Variants in LEMD1 observed in about 807,000 individuals in gnomAD.
The protein encoded by LEMD1 is LEM domain containing 1, also known as LEM domain-containing protein 1.
Under a neutral mutation model 17.4 loss-of-function variants are expected in LEMD1, and 18 were observed. The observed-to-expected ratio is 1.04, with a 90% CI of 0.72 to 1.54. The LOEUF (loss-of-function observed/expected upper bound fraction) is 1.54, where lower values mean the gene tolerates loss of function less well. LEMD1 is among the 40% of genes most tolerant of loss of function. The pLI is 0.00. For synonymous variants in LEMD1, 88 were observed against 77.8 expected, an observed-to-expected ratio of 1.13 and a Z score of -0.69; for missense variants, 195 against 210.4, an observed-to-expected ratio of 0.93 and a Z score of 0.45.
intron 1 of LEMD1, among the ~76,000 whole-genome samples, chr1:205,439,694 T>C (rs902311681): frequency 6.6e-6 from 1 of 152,152 alleles, no homozygotes; most frequent in Non-Finnish European, 1.5e-5. Context: ...GGGTCTGACT[T>C]TGCTCCTTGG....
At chr1:205,444,951 C>T (rs935649719) in intron 1 of LEMD1, among the ~76,000 whole-genome samples, 5 of 151,380 alleles carry the variant, frequency 3.3e-5, no homozygotes, top group South Asian at 4.2e-4. Context: ...GGTGTGCCCT[C>T]GACGCCTCTA....
intron 4 of LEMD1, among the ~76,000 whole-genome samples, chr1:205,406,136 G>GAT (rs1665088719): frequency 2.6e-5 from 4 of 152,356 alleles, no homozygotes; most frequent in African/African-American, 9.6e-5. Context: ...TCCCAGTTAG[G>GAT]CTGCTCGGGG....
chr1:205,442,771 C>A (rs1666317121), intron 1 of LEMD1, among the ~76,000 whole-genome samples: 1 of 152,124 alleles, frequency 6.6e-6, no homozygotes, highest in African/African-American at 2.4e-5. Context: ...ATATATAGAG[C>A]CAAGACACAA....
At chr1:205,429,237 A>C (rs981499717) in intron 1 of LEMD1, among the ~76,000 whole-genome samples, 3 of 152,224 alleles carry the variant, frequency 2.0e-5, no homozygotes, top group African/African-American at 7.2e-5. Context: ...GAGGAGATGA[A>C]GGAGATGCTG....
At chr1:205,402,064 C>G (rs1329061995) in intron 4 of LEMD1, among the ~76,000 whole-genome samples, 2 of 152,216 alleles carry the variant, frequency 1.3e-5, no homozygotes, top group South Asian at 2.1e-4. Context: ...TGATCTATAT[C>G]TCTGTTTTGG....
At chr1:205,405,063 G>A (rs2102396306) in intron 4 of LEMD1, among the ~76,000 whole-genome samples, 1 of 152,322 alleles carries the variant, frequency 6.6e-6, no homozygotes, top group Non-Finnish European at 1.5e-5. Flanking sequence ...AGTTTCTGCT[G>A]AGAGATCCGC....
At chr1:205,430,222 G>A (rs1666107200) in intron 1 of LEMD1, among the ~76,000 whole-genome samples, 1 of 152,184 alleles carries the variant, frequency 6.6e-6, no homozygotes, top group Non-Finnish European at 1.5e-5. Context: ...CACACCCAAG[G>A]GTCCTCGGCT....
intron 4 of LEMD1, among the ~76,000 whole-genome samples, chr1:205,390,090 C>T (rs886894023): frequency 1.3e-5 from 2 of 152,194 alleles, no homozygotes; most frequent in African/African-American, 2.4e-5. Flanking sequence ...GGAGGTGGCT[C>T]ACGCCTGTAA....
chr1:205,410,755 A>G (rs572494092), intron 4 of LEMD1, among the ~76,000 whole-genome samples: 33 of 152,218 alleles, frequency 2.2e-4, no homozygotes, highest in Non-Finnish European at 4.1e-4. Context: ...AGTCCCAGCT[A>G]CTTGGGAGGC....
chr1:205,416,113 T>G, intron 4 of LEMD1, 119 bp downstream of exon 4: 2 of 607,962 alleles, frequency 3.3e-6, no homozygotes, highest in South Asian at 2.7e-5. Flanking sequence ...TAAACTAGGA[T>G]TTTACCACTA....
Position 205,381,620 on chromosome 1 carries a change from G to A in LEMD1, c.*38C>T, listed in dbSNP as rs746353036. ...GTGTTTTGGTTCTTTCCTGAAGCAG[G>A]AGGCCTCGCTTGGAGCATTGCTTTG... is the stretch of plus-strand genomic sequence containing the variant. On this transcript the variant is annotated 3_prime_UTR_variant, in exon 6 of 6. Coordinates refer to ENST00000367153, the MANE Select transcript of LEMD1 (RefSeq NM_001199050.2). 1 of 1,601,504 alleles carries A rather than the reference G, an allele frequency of 6.2e-7. No homozygotes were observed. The highest frequency in any genetic ancestry group is 1.1e-5 in the South Asian group (1 of 90,812).
At chr1:205,389,728 A>G (rs1025292277) in intron 4 of LEMD1, among the ~76,000 whole-genome samples, 1 of 152,270 alleles carries the variant, frequency 6.6e-6, no homozygotes, top group Non-Finnish European at 1.5e-5. Flanking sequence ...ACACTTTTAC[A>G]AATGACATAG....
intron 4 of LEMD1, among the ~76,000 whole-genome samples, chr1:205,402,377 A>C (rs1204632452): frequency 1.3e-5 from 2 of 151,990 alleles, no homozygotes; most frequent in South Asian, 2.1e-4. Context: ...CTTTTATTTC[A>C]TTGAGCAGTG....
intron 4 of LEMD1, among the ~76,000 whole-genome samples, chr1:205,404,206 T>C (rs1664985201): frequency 6.6e-6 from 1 of 152,208 alleles, no homozygotes; most frequent in African/African-American, 2.4e-5. Flanking sequence ...GTTCTATAGA[T>C]GTCTATTAGG....
chr1:205,400,842 C>CT lies in LEMD1; in HGVS notation c.270+15389dup, dbSNP rs1490208266. Among the ~76,000 whole-genome samples the CT allele has an allele frequency of 3.7e-4, 10 of 27,034 alleles. No individual in the cohort carries two copies. The South Asian group carries it at 0.012, about 34-fold the overall frequency. The allele number at this position is 27,034 out of a possible 152,430, so 17.7% of individuals were successfully genotyped here. On this transcript the variant is annotated intron_variant, in intron 4 of 5. Coordinates refer to ENST00000367153, the MANE Select transcript of LEMD1 (RefSeq NM_001199050.2). ...TTAGGTATATCTCCTAATGCTATCC[C>CT]TCCCCCCCCCCACCCCACAACAGTC...
chr1:205,397,338 T>C (rs1358053498), intron 4 of LEMD1, among the ~76,000 whole-genome samples: 1 of 152,230 alleles, frequency 6.6e-6, no homozygotes, highest in Non-Finnish European at 1.5e-5. Context: ...ATCCTCTATG[T>C]GGTCTTGGGC....
intron 4 of LEMD1, among the ~76,000 whole-genome samples, chr1:205,408,585 C>T (rs1429117799): frequency 6.6e-6 from 1 of 150,614 alleles, no homozygotes; most frequent in Non-Finnish European, 1.5e-5. Context: ...ACTGCAGCCT[C>T]GACCTGGGCT....
chr1:205,387,274 AATT>A (rs1189121773), intron 4 of LEMD1: 1 of 152,156 alleles, frequency 6.6e-6, no homozygotes, highest in Non-Finnish European at 1.5e-5. Context: ...TATCAATAAT[AATT>A]ATTATTATAA....
intron 1 of LEMD1, among the ~76,000 whole-genome samples, chr1:205,446,075 G>A (rs897948122): frequency 4.6e-5 from 7 of 152,224 alleles, no homozygotes; most frequent in South Asian, 4.1e-4. Flanking sequence ...AGTTTCAGCC[G>A]TCTGCAGGCA....
Sources: gnomAD v4.1 joint callset for allele counts (sites outside exome capture counted in the v4.1 genomes callset) on GRCh38, gnomAD v4.1.1 for gene constraint, MANE v1.5 for transcripts, NCBI Gene and HGNC (gene_info 2026-07-23, HGNC 2026-07-21) for gene names.